EPB41L4A: variants seen among roughly 807,000 people sequenced by gnomAD.
EPB41L4A encodes band 4.1-like protein 4A.
EPB41L4A carries 100 observed loss-of-function variants against 108.6 expected under a neutral mutation model. The ratio of observed to expected loss-of-function variants is 0.92; its 90% CI spans 0.78 to 1.09. The LOEUF (loss-of-function observed/expected upper bound fraction) is 1.09. EPB41L4A is among the 50% of genes least tolerant of loss of function. EPB41L4A has a pLI of 0.00. For missense variants in EPB41L4A, 1,030 were observed against 842.7 expected (o/e 1.22, Z -2.75); for synonymous variants, 319 against 289.0 (o/e 1.10, Z -1.05).
downstream of EPB41L4A, among the ~76,000 whole-genome samples, chr5:112,159,944 C>T (rs1470240331): frequency 2.7e-5 from 4 of 146,728 alleles, no homozygotes; most frequent in Non-Finnish European, 4.5e-5. Context: ...CCCTTTTGTC[C>T]AGGCTGGAGT....
intron 1 of EPB41L4A, among the ~76,000 whole-genome samples, chr5:112,372,704 T>C (rs1263188816): frequency 6.6e-6 from 1 of 152,186 alleles, no homozygotes; most frequent in African/African-American, 2.4e-5. Context: ...TAGGTGGCAG[T>C]AAGGAGTTCA....
At chr5:112,319,974 G>T (rs1755668264) in intron 1 of EPB41L4A, among the ~76,000 whole-genome samples, 1 of 152,180 alleles carries the variant, frequency 6.6e-6, no homozygotes, top group Non-Finnish European at 1.5e-5. Flanking sequence ...TCATCATAAA[G>T]CCTATGTGGT....
At chr5:112,371,321 T>C (rs753889515) in intron 1 of EPB41L4A, among the ~76,000 whole-genome samples, 5 of 152,216 alleles carry the variant, frequency 3.3e-5, no homozygotes, top group Non-Finnish European at 7.3e-5. Flanking sequence ...TAGAAATAAT[T>C]TTCATTTGTG....
intron 2 of EPB41L4A, among the ~76,000 whole-genome samples, chr5:112,306,822 C>T (rs992808475): frequency 3.3e-4 from 48 of 145,976 alleles, no homozygotes; most frequent in African/African-American, 1.3e-3. Flanking sequence ...CTGGAAGACC[C>T]TCTGAATTAA....
intron 1 of EPB41L4A, among the ~76,000 whole-genome samples, chr5:112,324,772 AAAT>A (rs1561572585): frequency 1.3e-5 from 2 of 151,976 alleles, no homozygotes; most frequent in Non-Finnish European, 2.9e-5. Context: ...ATGTCACAAA[AAAT>A]AAGGGGAGGG....
intron 1 of EPB41L4A, among the ~76,000 whole-genome samples, chr5:112,393,927 G>A (rs570614337): frequency 6.6e-6 from 1 of 151,924 alleles, no homozygotes; most frequent in Non-Finnish European, 1.5e-5. Flanking sequence ...ATGCAAGGCT[G>A]GTTCAACATA....
intron 12 of EPB41L4A, among the ~76,000 whole-genome samples, chr5:112,155,758 G>T (rs1353752998): frequency 6.6e-6 from 1 of 152,162 alleles, no homozygotes; most frequent in South Asian, 2.1e-4. Context: ...TTATTTGGGG[G>T]CCAGGAAGCA....
rs560577581 is a variant in EPB41L4A, at chr5:112,368,421, T to C, written c.99+50520A>G. ...CCACCTTGGTCCCATTAGCTTGCCC[T>C]TTCATACTAGACAATATATACCTTA... is the stretch of plus-strand genomic sequence containing the variant. On this transcript the variant is annotated intron_variant, in intron 1 of 22. Coordinates refer to ENST00000261486, the MANE Select transcript of EPB41L4A (RefSeq NM_022140.5). Among the ~76,000 whole-genome samples the C allele has an allele frequency of 5.9e-5, 9 of 152,254 alleles. No homozygotes were observed. In the South Asian group the frequency reaches 1.5e-3, roughly 25 times the overall value.
intron 12 of EPB41L4A, among the ~76,000 whole-genome samples, chr5:112,150,207 A>T (rs73227498): frequency 0.11 from 16,703 of 152,210 alleles, 1,007 homozygotes; most frequent in South Asian, 0.15. Context: ...AACAAACATA[A>T]AGGCTTTCTA....
chr5:112,256,884 A>G (rs1267385456), intron 9 of EPB41L4A: 1 of 152,192 alleles, frequency 6.6e-6, no homozygotes, highest in Admixed American at 6.5e-5. Flanking sequence ...GATTTTCTAC[A>G]GTGAACATGT....
At chr5:112,411,311 T>C (rs1762397863) in intron 1 of EPB41L4A, among the ~76,000 whole-genome samples, 1 of 152,148 alleles carries the variant, frequency 6.6e-6, no homozygotes, top group Non-Finnish European at 1.5e-5. Context: ...TGGAACATGA[T>C]ACTATTTCTC....
chr5:112,309,959 C>A (rs1372957877), intron 1 of EPB41L4A, among the ~76,000 whole-genome samples: 1 of 152,192 alleles, frequency 6.6e-6, no homozygotes, highest in Non-Finnish European at 1.5e-5. Context: ...AAGCGGGATT[C>A]TGCCAACAGC....
intron 1 of EPB41L4A, among the ~76,000 whole-genome samples, chr5:112,330,633 A>T (rs1397070315): frequency 1.3e-5 from 2 of 152,062 alleles, no homozygotes; most frequent in African/African-American, 2.4e-5. Context: ...CCAATGCCTT[A>T]AACATGGTAA....
chr5:112,319,847 G>A (rs1267168407), intron 1 of EPB41L4A, among the ~76,000 whole-genome samples: 1 of 152,148 alleles, frequency 6.6e-6, no homozygotes, highest in Non-Finnish European at 1.5e-5. Flanking sequence ...ATGTTGAATA[G>A]TTCTGCCATG....
chr5:112,161,259 G>A (rs1427437918), downstream of EPB41L4A: 1 of 307,640 alleles, frequency 3.3e-6, no homozygotes, highest in South Asian at 2.7e-5. Context: ...CTGTTTCCAC[G>A]TGCGGTGCTC....
intron 1 of EPB41L4A, among the ~76,000 whole-genome samples, chr5:112,406,842 C>G (rs1347660785): frequency 6.6e-6 from 1 of 152,104 alleles, no homozygotes; most frequent in Non-Finnish European, 1.5e-5. Flanking sequence ...TGTGCTAAGT[C>G]TCTGTTCCCT....
At chr5:112,400,566 C>T (rs1761680899) in intron 1 of EPB41L4A, among the ~76,000 whole-genome samples, 2 of 152,002 alleles carry the variant, frequency 1.3e-5, no homozygotes, top group Admixed American at 1.3e-4. Context: ...GAGGGAGGTG[C>T]CACACACTTT....
chr5:112,161,593 T>C (rs772986918), downstream of EPB41L4A: 1 of 519,214 alleles, frequency 1.9e-6, no homozygotes, highest in South Asian at 1.4e-5. Flanking sequence ...ATACCTTTGG[T>C]GTAGGAGCTG....
At chr5:112,293,621 C>A in intron 2 of EPB41L4A, among the ~76,000 whole-genome samples, 1 of 152,168 alleles carries the variant, frequency 6.6e-6, no homozygotes, top group Non-Finnish European at 1.5e-5. Flanking sequence ...CCTTCAAGAG[C>A]CGTTTTTGAG....
Sources: allele counts gnomAD v4.1 joint callset (sites outside exome capture counted in the v4.1 genomes callset), GRCh38; gene constraint gnomAD v4.1.1; transcripts MANE v1.5; gene names NCBI Gene and HGNC (gene_info 2026-07-23, HGNC 2026-07-21).